UBR4: variants seen among roughly 807,000 people sequenced by gnomAD.
UBR4 encodes ubiquitin protein ligase E3 component n-recognin 4, also known as E3 ubiquitin-protein ligase UBR4.
A neutral mutation model predicts 575.6 loss-of-function variants in UBR4; 124 were observed. The observed-to-expected ratio is 0.22, with a 90% CI of 0.19 to 0.25. The LOEUF is 0.25. Ranked by LOEUF, UBR4 falls within the 10% of genes least tolerant of loss-of-function variation. The pLI is 1.00. For synonymous variants in UBR4, 2,455 were observed against 2,473.7 expected (o/e 0.99, Z 0.22); for missense variants, 4,818 against 6,478.8 (o/e 0.74, Z 8.80).
rs1444953567 is a variant in UBR4 at position 19,110,765 on chromosome 1, C to T, written c.11869G>A (p.Gly3957Ser). ...IIGKVSTALK[G>S]HWANPDLASS... ...ACCAGATCGGGGTTGGCCCAGTGGC[C>T]CTTCAGGGCTGTGGAGACCTTGCCA... Residue 3957 changes from glycine (G) to serine (S), a missense_variant, in exon 79 of 106, where the codon GGC becomes AGC. Coordinates refer to ENST00000375254, the MANE Select transcript of UBR4 (RefSeq NM_020765.3). This position sits in a 1 kb window ranked among gnomAD's most constrained non-coding sequence, Gnocchi z 4.5. 2.5e-6 allele frequency: 4 copies of T among 1,614,028 alleles called. No homozygotes were observed. In the African/African-American group the frequency reaches 4.0e-5, roughly 16 times the overall value.
intron 1 of UBR4, among the ~76,000 whole-genome samples, chr1:19,206,744 A>T (rs1485949700): frequency 6.6e-6 from 1 of 152,136 alleles, no homozygotes; most frequent in Non-Finnish European, 1.5e-5. Flanking sequence ...ATAAATTCAG[A>T]TATCTTTTTC....
At chr1:19,105,878 G>C in intron 83 of UBR4, 36 bp from the exon 84 acceptor site, 1 of 1,487,328 alleles carries the variant, frequency 6.7e-7, no homozygotes, top group Non-Finnish European at 9.0e-7. Flanking sequence ...CGTAGACTCA[G>C]AGGATGCCCT....
chr1:19,129,058 G>A lies in UBR4; in HGVS notation c.8923C>T (p.Leu2975=). Residue 2975 remains leucine (L), a synonymous_variant, in exon 61 of 106, where the codon CTA becomes TTA. Transcript: ENST00000375254. ...HTSNRLHMVR[L]MLLERLLQTL... is the part of the protein sequence containing the mutation. ...TGCAGTAATCTCTCCAACAGCATTA[G>A]ACGGACCATGTGCAGCCTAAAAGGG... 6.2e-7 allele frequency: 1 copy of A among 1,614,100 alleles called. No homozygotes were observed. The highest frequency in any genetic ancestry group is 8.5e-7 in the Non-Finnish European group (1 of 1,179,984).
In UBR4 at chr1:19,092,376, T is replaced by G. The variant is rs1570351030; in HGVS notation, c.14211+443A>C. 2.0e-5 allele frequency among the ~76,000 whole-genome samples: 3 copies of G among 151,188 alleles called. No individual in the cohort carries two copies. In the South Asian group the frequency reaches 6.3e-4, roughly 32 times the overall value. ...GCCCTGGCCATCTATCCAGGGCCAG[T>G]TAGGATTGGATTTGTGAGGGGTTAA... is the stretch of plus-strand genomic sequence containing the variant. On this transcript the variant is annotated intron_variant, in intron 97 of 105. Coordinates refer to ENST00000375254, the MANE Select transcript of UBR4 (RefSeq NM_020765.3).
chr1:19,166,285 C>A (rs1163967975), intron 29 of UBR4, among the ~76,000 whole-genome samples: 1 of 152,190 alleles, frequency 6.6e-6, no homozygotes, highest in Non-Finnish European at 1.5e-5. Context: ...GCCTAAACTA[C>A]CAAGGTCCAG....
rs2085832110 is a variant in UBR4, at chr1:19,152,219, T to G, written c.6996+94A>C. On this transcript the variant is annotated intron_variant, in intron 47 of 105. Coordinates refer to ENST00000375254, the MANE Select transcript of UBR4 (RefSeq NM_020765.3). The surrounding 1 kb of genome is among the most constrained non-coding windows in gnomAD (Gnocchi z 4.4). ...GAGGGTTGTGACTGTGAGTATATACTCTATACTTGCTTTCTAAAAGGAGAT... is the reference window on the plus strand; with the variant it reads ...GAGGGTTGTGACTGTGAGTATATACGCTATACTTGCTTTCTAAAAGGAGAT... 3 of 1,523,458 alleles carry G rather than the reference T, an allele frequency of 2.0e-6. No homozygotes were observed. Among genetic ancestry groups the G allele is most frequent in the Non-Finnish European group, 2.7e-6 (3 of 1,114,558 alleles). 94.4% of individuals were successfully genotyped at this position (1,523,458 alleles called of 1,614,324 possible).
chr1:19,154,722 A>T (rs1356462215), intron 44 of UBR4, among the ~76,000 whole-genome samples, 196 bp downstream of exon 44: 2 of 152,182 alleles, frequency 1.3e-5, no homozygotes, highest in Non-Finnish European at 2.9e-5. Flanking sequence ...ACAGTGGAGG[A>T]CAAACCGTGC....
chr1:19,140,790 G>T lies in UBR4; in HGVS notation c.8591C>A (p.Ser2864Ter). 1 of 1,612,822 alleles carries T rather than the reference G, an allele frequency of 6.2e-7. No individual in the cohort carries two copies. ...DAGTLSDTTASAPASDDEGST... is the reference protein window; with the variant it reads ...DAGTLSDTTA ...TGCTCCTTGCTGTGGACAGTTACCT[G>T]ATGCTGTGGTGTCAGAGAGGGTTCC... is the stretch of plus-strand genomic sequence containing the variant. Residue 2864 changes from serine to a stop codon, truncating the protein, a stop_gained and splice_region_variant, in exon 58 of 106, where the codon TCA becomes TAA. Coordinates refer to ENST00000375254, the MANE Select transcript of UBR4 (RefSeq NM_020765.3). LOFTEE classifies it high-confidence loss of function.
At chr1:19,148,686 C>T in intron 49 of UBR4, 60 bp from the exon 50 acceptor site, 3 of 1,587,458 alleles carry the variant, frequency 1.9e-6, no homozygotes, top group East Asian at 2.2e-5. Flanking sequence ...TGCGCTTTAG[C>T]CTAAGCAAAC....
chr1:19,081,508 C>T lies in UBR4; in HGVS notation c.15074G>A (p.Trp5025Ter). ...QGFLEQPKEK[W>*]VESAFEVDGP... Reference sequence around the variant, plus strand: ...GTCCACTTCAAAGGCACTCTCCACCCACTTCTCCTTGGGCTGTTCCAGAAA... The same window carrying T: ...GTCCACTTCAAAGGCACTCTCCACCTACTTCTCCTTGGGCTGTTCCAGAAA... Residue 5025 changes from tryptophan (W) to a stop codon, truncating the protein, a stop_gained, in exon 103 of 106, where the codon TGG becomes TAG. Transcript: ENST00000375254. LOFTEE classifies it high-confidence loss of function. 1 of 1,614,014 alleles carries T rather than the reference C, an allele frequency of 6.2e-7. No homozygotes were observed. Among genetic ancestry groups the T allele is most frequent in the Non-Finnish European group, 8.5e-7 (1 of 1,180,022 alleles).
At chr1:19,084,950 C>T (rs2313507) in intron 101 of UBR4, among the ~76,000 whole-genome samples, 86,955 of 151,960 alleles carry the variant, frequency 0.57, 25,282 homozygotes, top group East Asian at 0.76. Context: ...CACTCTTGGG[C>T]GCCCATTTCT....
intron 30 of UBR4, 63 bp downstream of exon 30, chr1:19,165,593 T>C (rs941214761): frequency 1.3e-5 from 19 of 1,518,272 alleles, no homozygotes; most frequent in South Asian, 3.5e-5. Context: ...TCAACATATA[T>C]AGCTCCTTGC....
chr1:19,193,206 G>A (rs1430368869), intron 9 of UBR4, among the ~76,000 whole-genome samples: 1 of 152,160 alleles, frequency 6.6e-6, no homozygotes, highest in East Asian at 1.9e-4. Flanking sequence ...CTGAATTAAT[G>A]GCTAATCTTT....
At chr1:19,192,030 G>T (rs1304391074) in intron 11 of UBR4, among the ~76,000 whole-genome samples, 158 bp downstream of exon 11, 1 of 152,214 alleles carries the variant, frequency 6.6e-6, no homozygotes, top group African/African-American at 2.4e-5. Flanking sequence ...AAGCTATGCT[G>T]TGGAGATAAC....
rs1052895229 is a variant in UBR4, at chr1:19,089,217, G to T, written c.14212-240C>A. 1.3e-5 allele frequency among the ~76,000 whole-genome samples: 2 copies of T among 152,182 alleles called. No individual in the cohort carries two copies. Among genetic ancestry groups the T allele is most frequent in the African/African-American group, 4.8e-5 (2 of 41,440 alleles). On this transcript the variant is annotated intron_variant, in intron 97 of 105. Transcript: ENST00000375254. This position sits in a 1 kb window ranked among gnomAD's most constrained non-coding sequence, Gnocchi z 4.3. ...GCTCAGTATTTCCATCTATAAAATGGGGATAGTGCAAGGGCTGCTGTGATG... is the reference window on the plus strand; with the variant it reads ...GCTCAGTATTTCCATCTATAAAATGTGGATAGTGCAAGGGCTGCTGTGATG...
chr1:19,186,740 A>C, intron 13 of UBR4, 83 bp from the exon 14 acceptor site: 1 of 1,359,352 alleles, frequency 7.4e-7, no homozygotes, highest in Non-Finnish European at 1.0e-6. Context: ...AATCTCTTTT[A>C]TTTTTTCCTA....
intron 8 of UBR4, among the ~76,000 whole-genome samples, chr1:19,193,975 G>A (rs2092291523): frequency 6.6e-6 from 1 of 152,192 alleles, no homozygotes; most frequent in African/African-American, 2.4e-5. Flanking sequence ...CCAACTACAT[G>A]ACATTCTAGA....
In UBR4 at chr1:19,115,598, G is replaced by C; in HGVS notation, c.10863C>G (p.Thr3621=). ...RWHKAKKVQL[T]PGQTEVKIDL... ...CAATCTTCACCTCTGTCTGTCCAGGGGTCAGCTGAACCTTCTTGGCTTTGT... is the reference window on the plus strand; with the variant it reads ...CAATCTTCACCTCTGTCTGTCCAGGCGTCAGCTGAACCTTCTTGGCTTTGT... The change falls in exon 74 of 106, where the codon ACC becomes ACG. Residue 3621 remains threonine, a synonymous_variant. Transcript: ENST00000375254. The C allele has an allele frequency of 1.9e-6, 3 of 1,614,152 alleles. No homozygotes were observed. The highest frequency in any genetic ancestry group is 2.5e-6 in the Non-Finnish European group (3 of 1,180,020).
chr1:19,086,128 A>G lies in UBR4; in HGVS notation c.14813+17T>C. On this transcript the variant is annotated intron_variant, in intron 101 of 105. Transcript: ENST00000375254. ...CAAATCCCCTCCATTCCACCATGAA[A>G]AATACTCAACACTCACCTTGCCAAG... 6.2e-7 allele frequency: 1 copy of G among 1,613,182 alleles called. No homozygotes were observed. The highest frequency in any genetic ancestry group is 8.5e-7 in the Non-Finnish European group (1 of 1,179,690).
Sources: gnomAD v4.1 joint callset for allele counts (sites outside exome capture counted in the v4.1 genomes callset) on GRCh38, gnomAD v4.1.1 for gene constraint, Gnocchi (gnomAD v3.1) non-coding constraint, MANE v1.5 for transcripts, NCBI Gene and HGNC (gene_info 2026-07-23, HGNC 2026-07-21) for gene names.